EIF2AK3: variants seen among roughly 807,000 people sequenced by gnomAD.
EIF2AK3 encodes eukaryotic translation initiation factor 2 alpha kinase 3, also known as eukaryotic translation initiation factor 2-alpha kinase 3.
In EIF2AK3, 50 loss-of-function variants were observed where a neutral mutation model predicts 113.5. The ratio of observed to expected loss-of-function variants is 0.44; its 90% CI spans 0.35 to 0.56. The LOEUF (loss-of-function observed/expected upper bound fraction) is 0.56. Ranked by LOEUF, EIF2AK3 falls within the 20% of genes least tolerant of loss-of-function variation. The pLI is 0.00. For synonymous variants in EIF2AK3, 448 were observed against 495.4 expected, an observed-to-expected ratio of 0.90 and a Z score of 1.27; for missense variants, 1,185 against 1,378.0, an observed-to-expected ratio of 0.86 and a Z score of 2.22.
intron 1 of EIF2AK3, among the ~76,000 whole-genome samples, chr2:88,615,064 T>C (rs1675537497): frequency 6.6e-6 from 1 of 152,188 alleles, no homozygotes; most frequent in Non-Finnish European, 1.5e-5. Context: ...AGCTCACACA[T>C]CTTGGTGACT....
intron 1 of EIF2AK3, among the ~76,000 whole-genome samples, chr2:88,618,062 AG>A (rs1399648217): frequency 6.6e-6 from 1 of 152,182 alleles, no homozygotes; most frequent in Non-Finnish European, 1.5e-5. Context: ...AGATGCCTGT[AG>A]TCCCAGCTAC....
Position 88,608,882 on chromosome 2 carries a change from A to ATT in EIF2AK3, c.438+4840_438+4841dup, listed in dbSNP as rs70958959. Among the ~76,000 whole-genome samples the ATT allele has an allele frequency of 4.5e-4, 57 of 126,640 alleles. 1 individual carries two copies. In the East Asian group the frequency reaches 0.01, roughly 22 times the overall value. 83.1% of individuals were successfully genotyped at this position (126,640 alleles called of 152,430 possible). A position where few individuals can be genotyped will look rare whatever the true frequency, so the allele number is the denominator to read the frequency against. On this transcript the variant is annotated intron_variant, in intron 2 of 16. Transcript: ENST00000303236. Reference sequence around the variant, plus strand: ...GTCACCACACCTGGCTAATTTTTGTATTTTTTTTTTTTTTTTGTATTTTGT... The same window carrying ATT: ...GTCACCACACCTGGCTAATTTTTGTATTTTTTTTTTTTTTTTTTGTATTTTGT...
intron 2 of EIF2AK3, among the ~76,000 whole-genome samples, chr2:88,603,054 T>C (rs1298945718): frequency 6.6e-6 from 1 of 152,178 alleles, no homozygotes; most frequent in Non-Finnish European, 1.5e-5. Context: ...ACAATTACTT[T>C]CCTAGCCATA....
At chr2:88,582,990 T>G (rs1241943924) in intron 10 of EIF2AK3, among the ~76,000 whole-genome samples, 2 of 152,174 alleles carry the variant, frequency 1.3e-5, no homozygotes, top group African/African-American at 4.8e-5. Context: ...CTAATCCATC[T>G]CCCCCTTCTG....
chr2:88,557,990 A>G (rs1452034983), intron 16 of EIF2AK3, 54 bp from the exon 17 acceptor site: 3 of 1,565,084 alleles, frequency 1.9e-6, no homozygotes, highest in Admixed American at 1.7e-5. Context: ...ATCACTGTAC[A>G]GTTTTTAAAA....
Position 88,580,458 on chromosome 2 carries a change from T to G in EIF2AK3, c.1764-818A>C, listed in dbSNP as rs1674570666. ...CTGTCTTGACATTCCCATAACACTC[T>G]GCACATAATACTTTGAAGTATTTAA... is the stretch of plus-strand genomic sequence containing the variant. On this transcript the variant is annotated intron_variant, in intron 10 of 16. Transcript: ENST00000303236. Among the ~76,000 whole-genome samples the G allele has an allele frequency of 1.3e-5, 2 of 152,198 alleles. 1 individual carries two copies. The highest frequency in any genetic ancestry group is 4.1e-4 in the South Asian group (2 of 4,828).
Position 88,574,914 on chromosome 2 carries a change from G to A in EIF2AK3, c.2569C>T (p.Pro857Ser). The change falls in exon 13 of 17, where the codon CCT (proline) becomes TCT (serine). Residue 857 changes from proline (P) to serine (S), a missense_variant. By Grantham distance (74) the Pro-to-Ser change is moderately conservative. This residue lies in a region of EIF2AK3 where 877 missense variants were observed against 1,024.2 expected (regional missense o/e 0.86). Transcript: ENST00000303236. ...AAACTTAAAGTGGTTGGTCTTGGAG[G>A]AGAAATAGACAATGTAGCTTCAGAA... Reference protein sequence around the residue: ...SSSEATLSISPPRPTTLSLDL... With the variant: ...SSSEATLSISSPRPTTLSLDL... 3.1e-6 allele frequency: 5 copies of A among 1,614,216 alleles called. No individual in the cohort carries two copies. The highest frequency in any genetic ancestry group is 4.2e-6 in the Non-Finnish European group (5 of 1,180,028).
chr2:88,559,990 T>C (rs1361379345), intron 15 of EIF2AK3, among the ~76,000 whole-genome samples: 2 of 152,232 alleles, frequency 1.3e-5, no homozygotes, highest in African/African-American at 4.8e-5. Flanking sequence ...CTGGATTCTA[T>C]GGTAATTCTA....
chr2:88,603,714 G>A lies in EIF2AK3; in HGVS notation c.439-8051C>T, dbSNP rs1252686486. Reference sequence around the variant, plus strand: ...TTAAAATGTTGGACTTCAAAGCTTTGGTCATAGGTCTTCTCACCCTACTTT... The same window carrying A: ...TTAAAATGTTGGACTTCAAAGCTTTAGTCATAGGTCTTCTCACCCTACTTT... On this transcript the variant is annotated intron_variant, in intron 2 of 16. Transcript: ENST00000303236. Among the ~76,000 whole-genome samples the A allele has an allele frequency of 4.6e-5, 7 of 151,932 alleles. No homozygotes were observed. In the East Asian group the frequency reaches 1.3e-3, roughly 29 times the overall value.
chr2:88,575,393 A>ATT lies in EIF2AK3; in HGVS notation c.2088_2089dup (p.Ile697LysfsTer17). 1 of 1,613,004 alleles carries ATT rather than the reference A, an allele frequency of 6.2e-7. No homozygotes were observed. Among genetic ancestry groups the ATT allele is most frequent in the South Asian group, 1.1e-5 (1 of 91,086 alleles). On this transcript the variant is annotated frameshift_variant, in exon 13 of 17. Coordinates refer to ENST00000303236, the MANE Select transcript of EIF2AK3 (RefSeq NM_004836.7). LOFTEE classifies it high-confidence loss of function. ...TGTAGCGAAAGGATCCATTCTGCGT[A>ATT]TTTTAACTGATGGTGCATCCATTGG...
At chr2:88,615,923 C>T (rs1447225194) in intron 1 of EIF2AK3, among the ~76,000 whole-genome samples, 1 of 152,044 alleles carries the variant, frequency 6.6e-6, no homozygotes, top group Non-Finnish European at 1.5e-5. Context: ...TGATAAATCC[C>T]GTGGTCAGGT....
intron 1 of EIF2AK3, among the ~76,000 whole-genome samples, chr2:88,619,783 A>G (rs1186861124): frequency 6.6e-6 from 1 of 151,970 alleles, no homozygotes; most frequent in Non-Finnish European, 1.5e-5. Flanking sequence ...GTGAAACCCT[A>G]TCTCTACTAA....
intron 6 of EIF2AK3, 36 bp downstream of exon 6, chr2:88,590,407 A>G (rs752398288): frequency 2.5e-6 from 4 of 1,609,620 alleles, no homozygotes; most frequent in Admixed American, 3.3e-5. Context: ...CTAGATGTCA[A>G]TGTGTACTAT....
chr2:88,581,280 C>T (rs1036687727), intron 10 of EIF2AK3, among the ~76,000 whole-genome samples: 3 of 150,508 alleles, frequency 2.0e-5, no homozygotes, highest in Non-Finnish European at 4.4e-5. Context: ...TGACTTAAGT[C>T]TAATTCAATT....
chr2:88,596,450 G>T (rs1675020652), intron 2 of EIF2AK3, among the ~76,000 whole-genome samples: 1 of 152,072 alleles, frequency 6.6e-6, no homozygotes, highest in Admixed American at 6.6e-5. Context: ...AAATTATATG[G>T]TATGTTAGGT....
At chr2:88,579,403 AAC>A in intron 11 of EIF2AK3, 113 bp downstream of exon 11, 1 of 1,401,240 alleles carries the variant, frequency 7.1e-7, no homozygotes, top group Non-Finnish European at 9.9e-7. Flanking sequence ...TAAGATTTGA[AAC>A]GTCTGAAACT....
At chr2:88,579,477 A>C in intron 11 of EIF2AK3, 41 bp downstream of exon 11, 1 of 1,611,400 alleles carries the variant, frequency 6.2e-7, no homozygotes, top group Non-Finnish European at 8.5e-7. Flanking sequence ...ATTAGATCAC[A>C]CTGTGCTGAT....
At chr2:88,618,838 C>G (rs774010516) in intron 1 of EIF2AK3, among the ~76,000 whole-genome samples, 1 of 152,116 alleles carries the variant, frequency 6.6e-6, no homozygotes, top group Non-Finnish European at 1.5e-5. Context: ...CCTTGGAAGC[C>G]ACTCTCAAGA....
rs1675506960 is a variant in EIF2AK3 at position 88,613,741 on chromosome 2, T to C, written c.421A>G (p.Ser141Gly). Residue 141 changes from serine (S) to glycine (G), a missense_variant, in exon 2 of 17, where the codon AGC becomes GGC. This residue lies in a region of EIF2AK3 where 119 missense variants were observed against 178.7 expected (regional missense o/e 0.67). Coordinates refer to ENST00000303236, the MANE Select transcript of EIF2AK3 (RefSeq NM_004836.7). ...DVGSGSLVSS[S>G]LSKPEVFGNK... The stretch of plus-strand genomic sequence containing the variant: ...ATTCTTACCTCTGGTTTGCTAAGGC[T>C]GGATGACACCAAGGAACCGGATCCC... The C allele has an allele frequency of 6.2e-7, 1 of 1,614,018 alleles. No homozygotes were observed. Among genetic ancestry groups the C allele is most frequent in the Non-Finnish European group, 8.5e-7 (1 of 1,179,980 alleles).
Sources: gnomAD v4.1 joint callset for allele counts (sites outside exome capture counted in the v4.1 genomes callset) on GRCh38, gnomAD v4.1.1 for gene constraint, gnomAD v4.1.1 regional missense constraint, MANE v1.5 for transcripts, NCBI Gene and HGNC (gene_info 2026-07-23, HGNC 2026-07-21) for gene names.